The following CCNY variants were observed in gnomAD, a reference collection of about 807,000 sequenced individuals.
CCNY encodes the protein cyclin-Y.
Under a neutral mutation model 42.8 loss-of-function variants are expected in CCNY, and 19 were observed. That is an observed-to-expected ratio of 0.44 (90% CI 0.31 to 0.65). The LOEUF is 0.65. Among genes scored for constraint, CCNY ranks in the 30% least tolerant of loss-of-function variants. CCNY has a pLI of 0.07. For synonymous variants in CCNY, 165 were observed against 162.7 expected (o/e 1.01, Z -0.11); for missense variants, 370 against 437.3 (o/e 0.85, Z 1.37).
chr10:35,392,877 C>T (rs1047455613), intron 1 of CCNY, among the ~76,000 whole-genome samples: 15 of 152,202 alleles, frequency 9.9e-5, no homozygotes, highest in African/African-American at 2.7e-4. Flanking sequence ...CAGTCTCCTT[C>T]GAGTCCTCTT....
intron 7 of CCNY, among the ~76,000 whole-genome samples, chr10:35,548,173 T>C (rs1429530021): frequency 6.6e-6 from 1 of 151,698 alleles, no homozygotes; most frequent in Non-Finnish European, 1.5e-5. Flanking sequence ...TTATTATTTA[T>C]TTTTCGTGTT....
At chr10:35,543,832 T>C (rs1841055642) in intron 7 of CCNY, among the ~76,000 whole-genome samples, 1 of 152,180 alleles carries the variant, frequency 6.6e-6, no homozygotes, top group South Asian at 2.1e-4. Flanking sequence ...GGGCAAGATA[T>C]GGAGGCGGAA....
chr10:35,446,009 G>T (rs73266761), intron 1 of CCNY, among the ~76,000 whole-genome samples: 1 of 152,104 alleles, frequency 6.6e-6, no homozygotes, highest in African/African-American at 2.4e-5. Context: ...AAGAAAAGTC[G>T]TTGGGCAGAT....
intron 1 of CCNY, among the ~76,000 whole-genome samples, chr10:35,374,913 C>G (rs1837016845): frequency 6.6e-6 from 1 of 152,094 alleles, no homozygotes; most frequent in Non-Finnish European, 1.5e-5. Context: ...TATGCAGCTT[C>G]TCGGATGCTT....
At chr10:35,363,169 C>G (rs1412749872) in intron 1 of CCNY, among the ~76,000 whole-genome samples, 1 of 147,094 alleles carries the variant, frequency 6.8e-6, no homozygotes, top group Non-Finnish European at 1.5e-5. Context: ...CAGAGGTGGT[C>G]CTCACTTCCC....
rs117542457 is a variant in CCNY at position 35,300,285 on chromosome 10, C to T, written c.-9+49659C>T. ...CTACTTCTGCTCTGTCTCATCAAAG[C>T]AGCAAGGCTGCCACGCCCTGCCTGA... On this transcript the variant is annotated intron_variant, in intron 3 of 11. Coordinates refer to the CCNY transcript ENST00000374706. Among the ~76,000 whole-genome samples, 1,346 of 152,322 alleles carry T rather than the reference C, an allele frequency of 8.8e-3. 17 individuals carry two copies. Among genetic ancestry groups the T allele is most frequent in the East Asian group, 0.048 (248 of 5,176 alleles).
chr10:35,502,863 C>T (rs1840138536), intron 3 of CCNY, among the ~76,000 whole-genome samples: 1 of 152,028 alleles, frequency 6.6e-6, no homozygotes, highest in African/African-American at 2.4e-5. Flanking sequence ...GAATGCTTTC[C>T]CACTCATTAC....
chr10:35,411,893 A>C (rs374425627), intron 1 of CCNY, among the ~76,000 whole-genome samples: 2 of 152,254 alleles, frequency 1.3e-5, no homozygotes, highest in South Asian at 2.1e-4. Flanking sequence ...TATGATAACA[A>C]CACCACTGTC....
intron 3 of CCNY, among the ~76,000 whole-genome samples, chr10:35,324,678 A>C (rs1835859122): frequency 6.6e-6 from 1 of 152,242 alleles, no homozygotes; most frequent in African/African-American, 2.4e-5. Flanking sequence ...TGAGAAACTC[A>C]TACTTATGCA....
At chr10:35,336,033 G>GCGC (rs1016732697), upstream of CCNY, 1 of 152,364 alleles carries the variant, frequency 6.6e-6, no homozygotes, top group Non-Finnish European at 1.5e-5. Flanking sequence ...AGCCGAGATT[G>GCGC]CGCCACTGCC....
At chr10:35,359,132 G>A (rs1836624976) in intron 1 of CCNY, among the ~76,000 whole-genome samples, 1 of 152,196 alleles carries the variant, frequency 6.6e-6, no homozygotes, top group Non-Finnish European at 1.5e-5. Flanking sequence ...TACTTCTTTG[G>A]ACTTGTAGTG....
chr10:35,406,215 T>TTATA (rs1837761773), intron 1 of CCNY, among the ~76,000 whole-genome samples: 1 of 145,966 alleles, frequency 6.9e-6, no homozygotes, highest in African/African-American at 2.5e-5. Flanking sequence ...ATTTATTTAT[T>TTATA]TATTTATTTA....
intron 3 of CCNY, 63 bp from the exon 4 acceptor site, chr10:35,516,460 T>C: frequency 9.2e-7 from 1 of 1,086,680 alleles, no homozygotes; most frequent in Non-Finnish European, 1.4e-6. Context: ...GCGGGGGTGA[T>C]GTTTCTTGGA....
At chr10:35,443,714 C>T (rs1376397696) in intron 1 of CCNY, among the ~76,000 whole-genome samples, 1 of 152,150 alleles carries the variant, frequency 6.6e-6, no homozygotes, top group African/African-American at 2.4e-5. Context: ...TGTTCTTAGC[C>T]CCCATCTTTT....
At chr10:35,358,995 T>C (rs1414325592) in intron 1 of CCNY, among the ~76,000 whole-genome samples, 1 of 152,142 alleles carries the variant, frequency 6.6e-6, no homozygotes, top group Non-Finnish European at 1.5e-5. Context: ...TCCCTCTCTT[T>C]TGTGTTCCTG....
At chr10:35,307,811 TATA>T (rs1322078243) in intron 3 of CCNY, among the ~76,000 whole-genome samples, 50 of 74,292 alleles carry the variant, frequency 6.7e-4, no homozygotes, top group Middle Eastern at 7.2e-3. Context: ...TATATATATA[TATA>T]TATATTTTTT....
At chr10:35,559,605 C>G (rs1841426169) in intron 8 of CCNY, among the ~76,000 whole-genome samples, 2 of 152,246 alleles carry the variant, frequency 1.3e-5, no homozygotes, top group South Asian at 4.1e-4. Context: ...TGGATCCAGT[C>G]AGCCAGCCAT....
intron 1 of CCNY, among the ~76,000 whole-genome samples, chr10:35,340,892 T>A (rs1836164805): frequency 6.6e-6 from 1 of 152,106 alleles, no homozygotes; most frequent in Non-Finnish European, 1.5e-5. Flanking sequence ...AAAATGTGGC[T>A]CTCTGCCCTC....
At chr10:35,484,313 TAGTA>T (rs1839738916) in intron 2 of CCNY, among the ~76,000 whole-genome samples, 1 of 152,184 alleles carries the variant, frequency 6.6e-6, no homozygotes, top group Admixed American at 6.5e-5. Context: ...ATGTTTAAGA[TAGTA>T]AGTTCATAAA....
Sources: gnomAD v4.1 joint callset for allele counts (sites outside exome capture counted in the v4.1 genomes callset) on GRCh38, gnomAD v4.1.1 for gene constraint, MANE v1.5 for transcripts, NCBI Gene and HGNC (gene_info 2026-07-23, HGNC 2026-07-21) for gene names.